PCDH7: variants seen among roughly 807,000 people sequenced by gnomAD.
The protein encoded by PCDH7 is protocadherin 7.
A neutral mutation model predicts 58.9 loss-of-function variants in PCDH7; 17 were observed. The ratio of observed to expected loss-of-function variants is 0.29; its 90% CI spans 0.20 to 0.43. PCDH7 has a LOEUF of 0.43. Ranked by LOEUF, PCDH7 falls within the 20% of genes least tolerant of loss-of-function variation. PCDH7 has a pLI of 1.00. For missense variants in PCDH7, 1,274 were observed against 1,441.0 expected, an observed-to-expected ratio of 0.88 and a Z score of 1.88; for synonymous variants, 664 against 616.4, an observed-to-expected ratio of 1.08 and a Z score of -1.14.
At chr4:30,889,913 G>A (rs1738389117) in intron 1 of PCDH7, among the ~76,000 whole-genome samples, 1 of 152,184 alleles carries the variant, frequency 6.6e-6, no homozygotes, top group Admixed American at 6.5e-5. Context: ...GACAGAAATT[G>A]ATCCTAATAT....
At chr4:30,817,425 A>G (rs550653041) in intron 1 of PCDH7, among the ~76,000 whole-genome samples, 8 of 152,326 alleles carry the variant, frequency 5.3e-5, no homozygotes, top group Middle Eastern at 6.8e-3. Flanking sequence ...GTCCTAAGAT[A>G]AGAGGCTGTG....
chr4:30,887,544 T>C (rs371730718), intron 1 of PCDH7, among the ~76,000 whole-genome samples: 2 of 152,192 alleles, frequency 1.3e-5, no homozygotes, highest in African/African-American at 2.4e-5. Flanking sequence ...ATTCAGTACA[T>C]AGAGAAGATA....
intron 3 of PCDH7, among the ~76,000 whole-genome samples, chr4:31,005,240 A>G (rs1226060243): frequency 6.6e-6 from 1 of 152,162 alleles, no homozygotes; most frequent in Non-Finnish European, 1.5e-5. Context: ...GCTATTTATA[A>G]TGGGAAGGTT....
At chr4:30,882,073 ATCCTCCTCCTCCCCTGCT>A (rs1408311018) in intron 1 of PCDH7, among the ~76,000 whole-genome samples, 2 of 139,348 alleles carry the variant, frequency 1.4e-5, no homozygotes, top group Admixed American at 1.4e-4. Context: ...CCTACCTCTC[ATCCTCCTCCTCCCCTGCT>A]TCCTCCCCCT....
chr4:30,829,987 T>C (rs1261166813), intron 1 of PCDH7, among the ~76,000 whole-genome samples: 1 of 152,104 alleles, frequency 6.6e-6, no homozygotes, highest in African/African-American at 2.4e-5. Flanking sequence ...AATCAGAATC[T>C]GCTCTGGTTT....
intron 1 of PCDH7, among the ~76,000 whole-genome samples, chr4:30,856,707 A>AAT (rs1182128974): frequency 3.2e-4 from 46 of 142,422 alleles, no homozygotes; most frequent in Admixed American, 5.6e-4. Flanking sequence ...AAAAAAAAAA[A>AAT]ATATATATAT....
intron 3 of PCDH7, among the ~76,000 whole-genome samples, chr4:31,039,728 T>G (rs899225280): frequency 6.6e-6 from 1 of 152,208 alleles, no homozygotes; most frequent in African/African-American, 2.4e-5. Flanking sequence ...TTATGTTTTT[T>G]CTAACTGTTT....
intron 1 of PCDH7, among the ~76,000 whole-genome samples, chr4:30,878,080 G>A (rs1294127404): frequency 6.6e-6 from 1 of 152,132 alleles, no homozygotes; most frequent in Non-Finnish European, 1.5e-5. Flanking sequence ...GGATTCAGTT[G>A]TGTGACTTAG....
chr4:30,790,152 T>C (rs2109297708), intron 1 of PCDH7, among the ~76,000 whole-genome samples: 1 of 152,338 alleles, frequency 6.6e-6, no homozygotes, highest in East Asian at 1.9e-4. Flanking sequence ...CACTTCCCTG[T>C]TTGGTAAATA....
chr4:30,873,788 A>G lies in PCDH7; in HGVS notation c.71-46365A>G, dbSNP rs571971347. On this transcript the variant is annotated intron_variant, in intron 1 of 3. Coordinates refer to the PCDH7 transcript ENST00000509759. The stretch of plus-strand genomic sequence containing the variant: ...TTTGGATAAATTCAAATCCATAGAA[A>G]TACAGTTTTGTGGGTTTGTTGCTTA... Among the ~76,000 whole-genome samples, 10 of 152,182 alleles carry G rather than the reference A, an allele frequency of 6.6e-5. 1 individual carries two copies. Among genetic ancestry groups the G allele is most frequent in the African/African-American group, 2.4e-4 (10 of 41,564 alleles).
At chr4:31,010,048 T>C (rs115713732) in intron 3 of PCDH7, among the ~76,000 whole-genome samples, 3,056 of 152,118 alleles carry the variant, frequency 0.02, 107 homozygotes, top group African/African-American at 0.069. Context: ...TTTTTATGCC[T>C]GCAAAATTCA....
chr4:30,759,296 T>C (rs1719731521), intron 1 of PCDH7, among the ~76,000 whole-genome samples: 1 of 152,146 alleles, frequency 6.6e-6, no homozygotes, highest in Admixed American at 6.5e-5. Flanking sequence ...TTCTTCTTTA[T>C]GGATAAGAAC....
intron 1 of PCDH7, among the ~76,000 whole-genome samples, chr4:30,742,754 T>A (rs143569341): frequency 6.6e-6 from 1 of 152,282 alleles, no homozygotes; most frequent in Non-Finnish European, 1.5e-5. Context: ...TGAATTTTGT[T>A]TTAATTCGGC....
intron 3 of PCDH7, among the ~76,000 whole-genome samples, chr4:31,097,713 A>G (rs950654071): frequency 6.8e-6 from 1 of 146,758 alleles, no homozygotes. Flanking sequence ...CTACCTAATA[A>G]GCAAGTATGG....
At chr4:31,095,495 T>TA (rs1560219351) in intron 3 of PCDH7, among the ~76,000 whole-genome samples, 2 of 152,198 alleles carry the variant, frequency 1.3e-5, no homozygotes, top group African/African-American at 4.8e-5. Flanking sequence ...TCTTTCAAAA[T>TA]AACTTCTGTT....
chr4:30,890,402 G>C (rs1738453972), intron 1 of PCDH7, among the ~76,000 whole-genome samples: 1 of 147,328 alleles, frequency 6.8e-6, no homozygotes, highest in South Asian at 2.1e-4. Context: ...AAATACCTTA[G>C]AGTAGTACAT....
chr4:31,052,765 T>A (rs1385011414), intron 3 of PCDH7, among the ~76,000 whole-genome samples: 1 of 152,222 alleles, frequency 6.6e-6, no homozygotes, highest in Non-Finnish European at 1.5e-5. Flanking sequence ...TCTGACTATT[T>A]GGTTTATCTG....
At chr4:30,931,929 T>C (rs1456010579) in intron 2 of PCDH7, among the ~76,000 whole-genome samples, 1 of 152,026 alleles carries the variant, frequency 6.6e-6, no homozygotes, top group African/African-American at 2.4e-5. Context: ...ACTGATTCAT[T>C]AAATTAGTTT....
intron 1 of PCDH7, among the ~76,000 whole-genome samples, chr4:30,843,534 A>T (rs767276368): frequency 1.3e-5 from 2 of 152,184 alleles, no homozygotes; most frequent in Admixed American, 6.5e-5. Context: ...TAATGTTTCC[A>T]GTTGAGGATG....
Sources: allele counts gnomAD v4.1 joint callset (sites outside exome capture counted in the v4.1 genomes callset), GRCh38; gene constraint gnomAD v4.1.1; transcripts MANE v1.5; gene names NCBI Gene and HGNC (gene_info 2026-07-23, HGNC 2026-07-21).